The following AEBP1 variants were observed in gnomAD, a reference collection of about 807,000 sequenced individuals.
AEBP1 encodes AE binding protein 1.
A neutral mutation model predicts 116.5 loss-of-function variants in AEBP1; 69 were observed. That is an observed-to-expected ratio of 0.59 (90% CI 0.49 to 0.72). AEBP1 has a LOEUF of 0.72. AEBP1 is among the 30% of genes least tolerant of loss of function. The probability of loss-of-function intolerance (pLI) is 0.00; values close to 1 mark genes in which losing one functional copy is unlikely to be tolerated. For missense variants in AEBP1, 1,444 were observed against 1,557.5 expected (o/e 0.93, Z 1.23); for synonymous variants, 627 against 627.3 (o/e 1.00, Z 0.01).
rs1219326536 is a variant in AEBP1, at chr7:44,108,516, G to A, written c.941-383G>A. 6.6e-6 allele frequency among the ~76,000 whole-genome samples: 1 copy of A among 152,032 alleles called. No homozygotes were observed. Among genetic ancestry groups the A allele is most frequent in the East Asian group, 1.9e-4 (1 of 5,188 alleles). ...CTCAGGTTCCCTTTCCTCCTGGGTG[G>A]CAGCCCGTGCATCGCCATTTCCCTG... On this transcript the variant is annotated intron_variant, in intron 6 of 20. Coordinates refer to ENST00000223357, the MANE Select transcript of AEBP1 (RefSeq NM_001129.5). The surrounding 1 kb of genome is among the most constrained non-coding windows in gnomAD (Gnocchi z 5.0).
At chr7:44,104,943 G>A in intron 1 of AEBP1, 25 bp downstream of exon 1, 1 of 1,506,562 alleles carries the variant, frequency 6.6e-7, no homozygotes, top group Non-Finnish European at 8.9e-7. Flanking sequence ...CAGGGCGGGG[G>A]TGTGGGGGGC....
chr7:44,109,985 G>T, intron 9 of AEBP1, 30 bp from the exon 10 acceptor site: 1 of 1,591,516 alleles, frequency 6.3e-7, no homozygotes. Context: ...TGGAGCTAGT[G>T]AGCCACCATT....
chr7:44,110,154 C>G (rs1169219080), intron 10 of AEBP1, 30 bp downstream of exon 10: 20 of 1,613,088 alleles, frequency 1.2e-5, no homozygotes, highest in African/African-American at 2.7e-5. Flanking sequence ...CATCTCCCAA[C>G]TGGGATAAGG....
At chr7:44,104,947 G>T (rs753935573) in intron 1 of AEBP1, 29 bp downstream of exon 1, 3 of 1,497,218 alleles carry the variant, frequency 2.0e-6, no homozygotes, top group Non-Finnish European at 2.7e-6. Context: ...GCGGGGGTGT[G>T]GGGGGCTGGC....
At chr7:44,109,914 C>T (rs2096227182) in intron 9 of AEBP1, 101 bp from the exon 10 acceptor site, 2 of 1,062,454 alleles carry the variant, frequency 1.9e-6, no homozygotes, top group Non-Finnish European at 1.4e-6. Context: ...TCTGACTGTG[C>T]CCCCGATGTG....
rs1463152191 is a variant in AEBP1, at chr7:44,112,850, A to G, written c.2510A>G (p.Gln837Arg). Reference protein sequence around the residue: ...TEPYRGGCQAQDYTGGMGIVN... With the variant: ...TEPYRGGCQARDYTGGMGIVN... ...CCCTACCGCGGAGGCTGCCAAGCCC[A>G]GGACTACACCGGCGGCATGGGCATC... is the stretch of plus-strand genomic sequence containing the variant. The change falls in exon 18 of 21, where the codon CAG becomes CGG. Residue 837 changes from glutamine (Q) to arginine (R), a missense_variant. Coordinates refer to ENST00000223357, the MANE Select transcript of AEBP1 (RefSeq NM_001129.5). The surrounding 1 kb of genome is among the most constrained non-coding windows in gnomAD (Gnocchi z 6.6). The G allele has an allele frequency of 5.6e-6, 9 of 1,612,654 alleles. No homozygotes were observed. Among genetic ancestry groups the G allele is most frequent in the Non-Finnish European group, 8.5e-7 (1 of 1,179,798 alleles).
intron 1 of AEBP1, among the ~76,000 whole-genome samples, chr7:44,105,856 TC>T (rs1450435847): frequency 1.3e-5 from 2 of 151,996 alleles, no homozygotes; most frequent in African/African-American, 4.8e-5. Flanking sequence ...CTGGGAGGAT[TC>T]CCATGGGGAA....
In AEBP1 at chr7:44,110,986, T is replaced by C; in HGVS notation, c.1559T>C (p.Ile520Thr). The C allele has an allele frequency of 6.2e-7, 1 of 1,613,892 alleles. No individual in the cohort carries two copies. The highest frequency in any genetic ancestry group is 8.5e-7 in the Non-Finnish European group (1 of 1,179,982). ...ELPEPVVARF[I>T]RIYPLTWNGS... ...CCAGAGCCGGTGGTGGCTCGTTTCA[T>C]CCGCATCTACCCACTCACCTGGAAT... is the stretch of plus-strand genomic sequence containing the variant. Residue 520 changes from isoleucine to threonine, a missense_variant, in exon 13 of 21, where the codon ATC (isoleucine) becomes ACC (threonine). By Grantham distance (89) the Ile-to-Thr change is moderately conservative. Transcript: ENST00000223357.
chr7:44,106,292 C>G (rs2096222829), intron 1 of AEBP1: 1 of 657,780 alleles, frequency 1.5e-6, no homozygotes, highest in Admixed American at 2.1e-5. Context: ...GGGCCTCCCC[C>G]TGGGAACTGG....
chr7:44,111,786 C>G lies in AEBP1; in HGVS notation c.1841-68C>G. The G allele has an allele frequency of 6.4e-7, 1 of 1,556,498 alleles. No individual in the cohort carries two copies. The highest frequency in any genetic ancestry group is 8.7e-7 in the Non-Finnish European group (1 of 1,148,616). On this transcript the variant is annotated intron_variant, in intron 15 of 20. Coordinates refer to ENST00000223357, the MANE Select transcript of AEBP1 (RefSeq NM_001129.5). This position sits in a 1 kb window ranked among gnomAD's most constrained non-coding sequence, Gnocchi z 4.7. ...CCAGACCCTCGGGTATGAGGTGGGT[C>G]TGGGTCCTTCCTCAGCTGCCCTGGG...
rs923802187 is a variant in AEBP1, at chr7:44,104,988, G to A, written c.253+70G>A. The A allele has an allele frequency of 4.2e-5, 54 of 1,286,716 alleles. No homozygotes were observed. The Admixed American group carries it at 1.4e-3, about 33-fold the overall frequency. 79.7% of individuals were successfully genotyped at this position (1,286,716 alleles called of 1,614,324 possible). ...AGGTGGGAACAGGGGGATTCGGTAG[G>A]GTCTGGCCACTCCCCAGTCTGCTAG... On this transcript the variant is annotated intron_variant, in intron 1 of 20. Coordinates refer to ENST00000223357, the MANE Select transcript of AEBP1 (RefSeq NM_001129.5).
Position 44,110,763 on chromosome 7 carries a change from A to G in AEBP1, c.1439A>G (p.Asn480Ser), listed in dbSNP as rs1343821996. The G allele has an allele frequency of 2.0e-6, 3 of 1,529,296 alleles. No individual in the cohort carries two copies. The Admixed American group carries it at 6.2e-5, about 32-fold the overall frequency. 94.7% of individuals were successfully genotyped at this position (1,529,296 alleles called of 1,614,324 possible). A position where few individuals can be genotyped will look rare whatever the true frequency, so the allele number is the denominator to read the frequency against. Reference protein sequence around the residue: ...FVTTFFVGFSNDSQTWVMYTN... With the variant: ...FVTTFFVGFSSDSQTWVMYTN... ...ACCACCTTCTTCGTGGGCTTCAGCA[A>G]TGACAGCCAGACATGGGTGATGTAC... Residue 480 changes from asparagine to serine, a missense_variant, in exon 12 of 21, where the codon AAT becomes AGT. Physicochemically the swap from Asn to Ser is conservative, Grantham distance 46. Coordinates refer to ENST00000223357, the MANE Select transcript of AEBP1 (RefSeq NM_001129.5).
Position 44,108,236 on chromosome 7 carries a change from A to T in AEBP1, c.940+152A>T. ...CTGTCCCTGCTGTCCCTGCGTGCCC[A>T]CCCCAGCCACTGCCCTGTCTCCTCT... is the stretch of plus-strand genomic sequence containing the variant. On this transcript the variant is annotated intron_variant, in intron 6 of 20. Coordinates refer to ENST00000223357, the MANE Select transcript of AEBP1 (RefSeq NM_001129.5). The surrounding 1 kb of genome is among the most constrained non-coding windows in gnomAD (Gnocchi z 5.0). 1 of 718,386 alleles carries T rather than the reference A, an allele frequency of 1.4e-6. No homozygotes were observed. 44.5% of individuals were successfully genotyped at this position (718,386 alleles called of 1,614,324 possible). A position where few individuals can be genotyped will look rare whatever the true frequency, so the allele number is the denominator to read the frequency against.
In AEBP1 at chr7:44,113,210, T is replaced by G. The variant is rs202011690; in HGVS notation, c.2710-42T>G. The G allele has an allele frequency of 5.6e-6, 9 of 1,613,274 alleles. No homozygotes were observed. The highest frequency in any genetic ancestry group is 7.6e-6 in the Non-Finnish European group (9 of 1,179,724). ...GGCGGGAGGGAGCAGCGGACCACAT[T>G]GGACCTTCCTGAGGACCAGCAGCCC... On this transcript the variant is annotated intron_variant, in intron 19 of 20. Coordinates refer to ENST00000223357, the MANE Select transcript of AEBP1 (RefSeq NM_001129.5). The surrounding 1 kb of genome is among the most constrained non-coding windows in gnomAD (Gnocchi z 5.3).
At chr7:44,109,551 G>A in intron 9 of AEBP1, 1 of 621,862 alleles carries the variant, frequency 1.6e-6, no homozygotes, top group Admixed American at 3.1e-5. Context: ...TGCTTCAGGA[G>A]GGTGGCAGCT....
Position 44,112,080 on chromosome 7 carries a change from C to A in AEBP1, c.2037+30C>A. 1 of 1,606,362 alleles carries A rather than the reference C, an allele frequency of 6.2e-7. No homozygotes were observed. The highest frequency in any genetic ancestry group is 1.1e-5 in the South Asian group (1 of 90,822). The stretch of plus-strand genomic sequence containing the variant: ...GTTGAAGGGTGAGGCTGGCCAGGGT[C>A]CAGGCAGCTGGGGGTTGTGGGGGTG... On this transcript the variant is annotated intron_variant, in intron 16 of 20. Coordinates refer to ENST00000223357, the MANE Select transcript of AEBP1 (RefSeq NM_001129.5). This position sits in a 1 kb window ranked among gnomAD's most constrained non-coding sequence, Gnocchi z 6.6.
intron 1 of AEBP1, chr7:44,106,137 G>A (rs1160359552): frequency 2.1e-6 from 1 of 468,110 alleles, no homozygotes; most frequent in Non-Finnish European, 4.2e-6. Context: ...CCCTTCCTTT[G>A]TATGGCAGTT....
chr7:44,106,856 C>T lies in AEBP1; in HGVS notation c.564C>T (p.Ser188=). Reference sequence around the variant, plus strand: ...AGTGGCCACTGCCCCCACCCCCCAGCCCTGGCCCCGAGGAGCTACCCCAGG... The same window carrying T: ...AGTGGCCACTGCCCCCACCCCCCAGTCCTGGCCCCGAGGAGCTACCCCAGG... ...TLEWPLPPPP[S]PGPEELPQEG... is the part of the protein sequence containing the mutation. Residue 188 remains serine (S), a synonymous_variant, in exon 2 of 21, where the codon AGC becomes AGT. Coordinates refer to ENST00000223357, the MANE Select transcript of AEBP1 (RefSeq NM_001129.5). 1 of 1,596,040 alleles carries T rather than the reference C, an allele frequency of 6.3e-7. No individual in the cohort carries two copies. The highest frequency in any genetic ancestry group is 8.5e-7 in the Non-Finnish European group (1 of 1,172,880).
rs1000530722 is a variant in AEBP1, at chr7:44,104,399, C to G, written c.-267C>G. 6 of 325,054 alleles carry G rather than the reference C, an allele frequency of 1.8e-5. No individual in the cohort carries two copies. Among genetic ancestry groups the G allele is most frequent in the Non-Finnish European group, 3.3e-5 (6 of 179,626 alleles). 20.1% of individuals were successfully genotyped at this position (325,054 alleles called of 1,614,324 possible). A position where few individuals can be genotyped will look rare whatever the true frequency, so the allele number is the denominator to read the frequency against. On this transcript the variant is annotated 5_prime_UTR_variant, in exon 1 of 21. Coordinates refer to ENST00000223357, the MANE Select transcript of AEBP1 (RefSeq NM_001129.5). ...GGGAGTGCGCCACGCGGGGCCGGAG[C>G]GCCTATTAGCCGCCAGGACCTCGGA...
Sources: allele counts gnomAD v4.1 joint callset (sites outside exome capture counted in the v4.1 genomes callset), GRCh38; gene constraint gnomAD v4.1.1; non-coding constraint Gnocchi (gnomAD v3.1); transcripts MANE v1.5; gene names NCBI Gene and HGNC (gene_info 2026-07-23, HGNC 2026-07-21).